Variants in ZNF385B observed in about 807,000 individuals in gnomAD.
ZNF385B encodes the protein zinc finger protein 533.
ZNF385B carries 23 observed loss-of-function variants against 39.2 expected under a neutral mutation model. That is an observed-to-expected ratio of 0.59 (90% CI 0.42 to 0.83). ZNF385B has a LOEUF of 0.83. ZNF385B is among the 40% of genes least tolerant of loss of function. The pLI is 0.00. For synonymous variants in ZNF385B, 205 were observed against 222.6 expected (o/e 0.92, Z 0.70); for missense variants, 552 against 598.9 (o/e 0.92, Z 0.82).
intron 3 of ZNF385B, among the ~76,000 whole-genome samples, chr2:179,699,819 G>A (rs1699042948): frequency 1.3e-5 from 2 of 152,208 alleles, no homozygotes; most frequent in African/African-American, 4.8e-5. Flanking sequence ...CAGAAATGGT[G>A]TATGAACAGG....
chr2:179,576,325 A>G (rs541565043), intron 3 of ZNF385B: 87 of 305,374 alleles, frequency 2.8e-4, no homozygotes, highest in Non-Finnish European at 3.5e-4. Flanking sequence ...TTTTCCATTT[A>G]TCCATTTGAC....
intron 3 of ZNF385B, among the ~76,000 whole-genome samples, chr2:179,607,276 A>G (rs1469645308): frequency 1.3e-5 from 2 of 152,072 alleles, no homozygotes; most frequent in African/African-American, 4.8e-5. Context: ...TGTAATCCCC[A>G]TGTGTTAGGG....
chr2:179,743,453 T>G (rs1278312038), intron 3 of ZNF385B, among the ~76,000 whole-genome samples: 1 of 152,074 alleles, frequency 6.6e-6, no homozygotes. Flanking sequence ...CAGGCAAAGA[T>G]CTAATAATTA....
At chr2:179,748,312 T>C (rs931669853) in intron 3 of ZNF385B, among the ~76,000 whole-genome samples, 2 of 152,130 alleles carry the variant, frequency 1.3e-5, no homozygotes, top group Non-Finnish European at 2.9e-5. Context: ...TAGTACTCAT[T>C]GATCACCTAA....
chr2:179,593,846 C>T (rs937207637), intron 3 of ZNF385B, among the ~76,000 whole-genome samples: 2 of 152,030 alleles, frequency 1.3e-5, no homozygotes, highest in Non-Finnish European at 2.9e-5. Flanking sequence ...CCAGGAAGGC[C>T]CCAAGAAAAT....
chr2:179,819,084 CA>C (rs1416366160), intron 1 of ZNF385B, among the ~76,000 whole-genome samples: 1 of 149,422 alleles, frequency 6.7e-6, no homozygotes, highest in African/African-American at 2.5e-5. Flanking sequence ...CAATTTACTC[CA>C]CAAAATAGAA....
At chr2:179,852,739 G>A (rs1489046006) in intron 1 of ZNF385B, among the ~76,000 whole-genome samples, 3 of 152,110 alleles carry the variant, frequency 2.0e-5, no homozygotes, top group Non-Finnish European at 2.9e-5. Context: ...GTGGTCTGTC[G>A]ATCACCCGGG....
intron 3 of ZNF385B, among the ~76,000 whole-genome samples, chr2:179,705,920 A>C (rs892599538): frequency 1.3e-5 from 2 of 152,200 alleles, no homozygotes; most frequent in African/African-American, 4.8e-5. Context: ...GAAACAGATC[A>C]TGTTCTTCCC....
At chr2:179,534,986 G>C (rs956209585) in intron 4 of ZNF385B, among the ~76,000 whole-genome samples, 4 of 152,120 alleles carry the variant, frequency 2.6e-5, no homozygotes, top group Admixed American at 6.5e-5. Flanking sequence ...GCATCTAACA[G>C]CTTCAGCTCA....
At chr2:179,551,606 C>G (rs893190790) in intron 3 of ZNF385B, among the ~76,000 whole-genome samples, 1 of 152,164 alleles carries the variant, frequency 6.6e-6, no homozygotes, top group Middle Eastern at 3.4e-3. Flanking sequence ...GCACACAGTT[C>G]CAAGAAATCT....
At chr2:179,777,438 T>C (rs1704391868) in intron 1 of ZNF385B, among the ~76,000 whole-genome samples, 2 of 152,258 alleles carry the variant, frequency 1.3e-5, no homozygotes, top group South Asian at 4.1e-4. Flanking sequence ...CAGCTAAATG[T>C]AGCACTAGCT....
At chr2:179,832,198 C>T (rs528773117) in intron 1 of ZNF385B, among the ~76,000 whole-genome samples, 8 of 152,274 alleles carry the variant, frequency 5.3e-5, no homozygotes, top group South Asian at 4.1e-4. Context: ...TCTCCTACCA[C>T]GCCCTCTCCC....
chr2:179,570,755 T>C (rs898358087), intron 3 of ZNF385B, among the ~76,000 whole-genome samples: 3 of 152,202 alleles, frequency 2.0e-5, no homozygotes, highest in African/African-American at 7.2e-5. Context: ...TTAGGATCCA[T>C]GGACCACCCC....
chr2:179,669,422 T>C (rs1308224888), intron 3 of ZNF385B, among the ~76,000 whole-genome samples: 1 of 152,166 alleles, frequency 6.6e-6, no homozygotes, highest in African/African-American at 2.4e-5. Flanking sequence ...TGGGCTTAGG[T>C]GGGGCCTGTC....
intron 3 of ZNF385B, among the ~76,000 whole-genome samples, chr2:179,581,378 G>A (rs1252527556): frequency 6.6e-6 from 1 of 152,134 alleles, no homozygotes; most frequent in Non-Finnish European, 1.5e-5. Context: ...ATTTTCCTCA[G>A]GCTGAATAGA....
intron 3 of ZNF385B, among the ~76,000 whole-genome samples, chr2:179,696,908 G>T (rs1210616945): frequency 6.6e-6 from 1 of 152,072 alleles, no homozygotes; most frequent in African/African-American, 2.4e-5. Flanking sequence ...AGAAGGAAAG[G>T]GACAACAATA....
At chr2:179,468,395 A>G (rs1393843408) in intron 6 of ZNF385B, among the ~76,000 whole-genome samples, 2 of 152,164 alleles carry the variant, frequency 1.3e-5, no homozygotes, top group African/African-American at 4.8e-5. Context: ...CCCTTTTCCA[A>G]TTTGTCACCA....
chr2:179,827,049 C>G (rs1363182252), intron 1 of ZNF385B, among the ~76,000 whole-genome samples: 3 of 152,168 alleles, frequency 2.0e-5, no homozygotes, highest in Non-Finnish European at 4.4e-5. Context: ...ATACAGTACA[C>G]TATAAGAGAC....
chr2:179,731,154 C>A (rs1485837068), intron 3 of ZNF385B, among the ~76,000 whole-genome samples: 1 of 152,168 alleles, frequency 6.6e-6, no homozygotes, highest in Non-Finnish European at 1.5e-5. Flanking sequence ...AAAGAGGTAG[C>A]CAAGAATTCA....
Sources: gnomAD v4.1 joint callset for allele counts (sites outside exome capture counted in the v4.1 genomes callset) on GRCh38, gnomAD v4.1.1 for gene constraint, MANE v1.5 for transcripts, NCBI Gene and HGNC (gene_info 2026-07-23, HGNC 2026-07-21) for gene names.